The following KCNH1 variants were observed in gnomAD, a reference collection of about 807,000 sequenced individuals.
KCNH1 encodes the protein potassium voltage-gated channel subfamily H member 1, also known as voltage-gated delayed rectifier potassium channel KCNH1.
Under a neutral mutation model 69.2 loss-of-function variants are expected in KCNH1, and 27 were observed. That is an observed-to-expected ratio of 0.39 (90% confidence interval 0.29 to 0.54). The LOEUF is 0.54. KCNH1 is among the 20% of genes least tolerant of loss of function. KCNH1 has a pLI of 0.68. For missense variants in KCNH1, 798 were observed against 1,261.6 expected, an observed-to-expected ratio of 0.63 and a Z score of 5.57; for synonymous variants, 456 against 487.7, an observed-to-expected ratio of 0.93 and a Z score of 0.86.
At chr1:210,781,164 A>C (rs1683974499) in intron 9 of KCNH1, among the ~76,000 whole-genome samples, 1 of 152,146 alleles carries the variant, frequency 6.6e-6, no homozygotes, top group Non-Finnish European at 1.5e-5. Context: ...TAATCCTTGG[A>C]GGAAAGTGCC....
intron 4 of KCNH1, among the ~76,000 whole-genome samples, chr1:211,088,065 A>C (rs1191432559): frequency 6.6e-6 from 1 of 152,210 alleles, no homozygotes; most frequent in East Asian, 1.9e-4. Context: ...TCCCCAAATT[A>C]GGTACTACAT....
At chr1:210,731,834 G>T (rs116071081) in intron 10 of KCNH1, among the ~76,000 whole-genome samples, 110 of 152,226 alleles carry the variant, frequency 7.2e-4, no homozygotes, top group African/African-American at 2.6e-3. Context: ...TATGAAGTTT[G>T]CCCTGCCTAA....
chr1:210,838,927 G>T (rs1481021837), intron 7 of KCNH1, among the ~76,000 whole-genome samples: 1 of 152,206 alleles, frequency 6.6e-6, no homozygotes, highest in African/African-American at 2.4e-5. Flanking sequence ...TGGCAGGGTT[G>T]CAGAGAAAAA....
At chr1:211,068,754 C>A (rs1690579797) in intron 5 of KCNH1, among the ~76,000 whole-genome samples, 1 of 152,130 alleles carries the variant, frequency 6.6e-6, no homozygotes. Context: ...ACCTCCAAAG[C>A]TAGAAAGACA....
At chr1:211,112,860 C>T (rs1185809950) in intron 1 of KCNH1, among the ~76,000 whole-genome samples, 2 of 152,190 alleles carry the variant, frequency 1.3e-5, no homozygotes, top group Non-Finnish European at 2.9e-5. Context: ...CTAGCACGCA[C>T]GTTCTCTTCT....
At chr1:210,866,838 G>A (rs984336788) in intron 7 of KCNH1, among the ~76,000 whole-genome samples, 4 of 151,910 alleles carry the variant, frequency 2.6e-5, no homozygotes, top group South Asian at 2.1e-4. Flanking sequence ...TGTTCATAAT[G>A]GCCAAAAATG....
intron 7 of KCNH1, among the ~76,000 whole-genome samples, chr1:210,885,035 T>C (rs1686572617): frequency 6.6e-6 from 1 of 152,334 alleles, no homozygotes; most frequent in East Asian, 1.9e-4. Flanking sequence ...ACTTTTCCTA[T>C]TTGCCTTCAG....
chr1:210,853,965 A>AAAAAAAAAAAAAAAAAAAAAC (rs1685771204), intron 7 of KCNH1, among the ~76,000 whole-genome samples: 2 of 150,706 alleles, frequency 1.3e-5, no homozygotes, highest in African/African-American at 4.9e-5. Context: ...AAAAAAAAAA[A>AAAAAAAAAAAAAAAAAAAAAC]AAAGAAACCA....
chr1:211,038,538 G>A (rs2102429520), intron 5 of KCNH1, among the ~76,000 whole-genome samples: 1 of 152,272 alleles, frequency 6.6e-6, no homozygotes, highest in East Asian at 1.9e-4. Flanking sequence ...GGAAAATGTG[G>A]GAAAGTTTGG....
At chr1:210,882,729 AT>A (rs1168738408) in intron 7 of KCNH1, among the ~76,000 whole-genome samples, 1 of 151,978 alleles carries the variant, frequency 6.6e-6, no homozygotes. Context: ...GGGGAAAATC[AT>A]TTTCTTTTCA....
intron 10 of KCNH1, among the ~76,000 whole-genome samples, chr1:210,725,848 C>A (rs1265366645): frequency 6.6e-6 from 1 of 152,036 alleles, no homozygotes; most frequent in African/African-American, 2.4e-5. Flanking sequence ...GTCCATTATC[C>A]TCTGTCTGTT....
At position 211,080,757 on chromosome 1, in the gene KCNH1, C is replaced by T. The variant is rs374147118; in HGVS notation, c.558+2023G>A. 6.6e-5 allele frequency among the ~76,000 whole-genome samples: 10 copies of T among 152,168 alleles called. No homozygotes were observed. The East Asian group carries it at 1.9e-3, about 29-fold the overall frequency. ...TAATAAATGGTGCTGGGAAAACTGG[C>T]TAGCCATATTGGAAAGCTGAAACTG... On this transcript the variant is annotated intron_variant, in intron 5 of 10. Transcript: ENST00000271751.
intron 7 of KCNH1, among the ~76,000 whole-genome samples, chr1:210,913,168 A>T (rs375910198): frequency 3.7e-4 from 57 of 152,298 alleles, no homozygotes; most frequent in African/African-American, 1.3e-3. Flanking sequence ...GAACTTTTTT[A>T]AAAAACCAGG....
At chr1:210,703,383 C>T (rs1681829312) in intron 10 of KCNH1, among the ~76,000 whole-genome samples, 1 of 152,326 alleles carries the variant, frequency 6.6e-6, no homozygotes, top group South Asian at 2.1e-4. Context: ...TCTCACCCCA[C>T]ACTTTGATAA....
chr1:210,865,851 G>C (rs1686095900), intron 7 of KCNH1, among the ~76,000 whole-genome samples: 1 of 152,056 alleles, frequency 6.6e-6, no homozygotes, highest in African/African-American at 2.4e-5. Context: ...TAGATTGTGG[G>C]GCAAAGCACA....
chr1:210,908,497 C>T (rs937147705), intron 7 of KCNH1, among the ~76,000 whole-genome samples: 1 of 152,118 alleles, frequency 6.6e-6, no homozygotes, highest in African/African-American at 2.4e-5. Context: ...TCTGCCTGTG[C>T]CCCGCCTCTC....
intron 7 of KCNH1, among the ~76,000 whole-genome samples, chr1:210,836,180 C>T (rs1473173035): frequency 6.8e-6 from 1 of 146,640 alleles, no homozygotes; most frequent in Non-Finnish European, 1.5e-5. Context: ...AAGATAAATA[C>T]ATTTTGAAAG....
intron 7 of KCNH1, among the ~76,000 whole-genome samples, chr1:210,916,859 A>C (rs541599391): frequency 2.0e-5 from 3 of 152,124 alleles, no homozygotes; most frequent in African/African-American, 7.2e-5. Flanking sequence ...TTTTAAAAAA[A>C]GAAATGGGCT....
chr1:210,752,785 C>A (rs1034623187), intron 10 of KCNH1, among the ~76,000 whole-genome samples: 1 of 152,092 alleles, frequency 6.6e-6, no homozygotes, highest in African/African-American at 2.4e-5. Flanking sequence ...GGTCCTAAAC[C>A]CTGGTACCTA....
Sources: gnomAD v4.1 joint callset for allele counts (sites outside exome capture counted in the v4.1 genomes callset) on GRCh38, gnomAD v4.1.1 for gene constraint, MANE v1.5 for transcripts, NCBI Gene and HGNC (gene_info 2026-07-23, HGNC 2026-07-21) for gene names.